The following DOP1B variants were observed in gnomAD, a reference collection of about 807,000 sequenced individuals.
DOP1B encodes protein DOP1B.
Under a neutral mutation model 233.5 loss-of-function variants are expected in DOP1B, and 174 were observed. That is an observed-to-expected ratio of 0.75 (90% CI 0.66 to 0.85). The LOEUF (loss-of-function observed/expected upper bound fraction) is 0.85. Among genes scored for constraint, DOP1B ranks in the 40% least tolerant of loss-of-function variants. DOP1B has a pLI of 0.00. For synonymous variants in DOP1B, 1,190 were observed against 1,185.6 expected, an observed-to-expected ratio of 1.00 and a Z score of -0.08; for missense variants, 2,652 against 2,846.6, an observed-to-expected ratio of 0.93 and a Z score of 1.56.
In DOP1B at chr21:36,208,776, C is replaced by G. The variant is rs374828474; in HGVS notation, c.553C>G (p.Leu185Val). 6.2e-7 allele frequency: 1 copy of G among 1,613,114 alleles called. No homozygotes were observed. Among genetic ancestry groups the G allele is most frequent in the East Asian group, 2.2e-5 (1 of 44,804 alleles). Residue 185 changes from leucine to valine, a missense_variant, in exon 5 of 37, where the codon CTC becomes GTC. Coordinates refer to ENST00000691173, the MANE Select transcript of DOP1B (RefSeq NM_001320714.2). Reference protein sequence around the residue: ...VVGKEVFYTALWGSVLASPSI... With the variant: ...VVGKEVFYTAVWGSVLASPSI... ...TGGCAAAGAGGTGTTTTACACCGCC[C>G]TCTGGGGGAGCGTCCTGGCCAGCCC... is the stretch of plus-strand genomic sequence containing the variant.
rs1569028822 is a variant in DOP1B at position 36,219,407 on chromosome 21, A to G, written c.1165A>G (p.Ile389Val). 1 of 1,614,222 alleles carries G rather than the reference A, an allele frequency of 6.2e-7. No homozygotes were observed. Among genetic ancestry groups the G allele is most frequent in the African/African-American group, 1.3e-5 (1 of 75,066 alleles). ...GGTTGGGAATTTGTTTCTCGAAGTCATCAGGGCCTTTTATTCTTACTGCAG... is the reference window on the plus strand; with the variant it reads ...GGTTGGGAATTTGTTTCTCGAAGTCGTCAGGGCCTTTTATTCTTACTGCAG... ...QVVGNLFLEVIRAFYSYCRDA... is the reference protein window; with the variant it reads ...QVVGNLFLEVVRAFYSYCRDA... Residue 389 changes from isoleucine (I) to valine (V), a missense_variant, in exon 10 of 37, where the codon ATC becomes GTC. Physicochemically the swap from Ile to Val is conservative, Grantham distance 29. Transcript: ENST00000691173.
At chr21:36,199,025 A>G in intron 2 of DOP1B, 45 bp from the exon 3 acceptor site, 1 of 1,585,040 alleles carries the variant, frequency 6.3e-7, no homozygotes, top group Non-Finnish European at 8.6e-7. Flanking sequence ...CATTGTAAAT[A>G]TCGCTGCCTT....
rs377051245 is a variant in DOP1B at position 36,245,434 on chromosome 21, G to A, written c.3454G>A (p.Gly1152Ser). The A allele has an allele frequency of 3.1e-5, 50 of 1,613,996 alleles. No individual in the cohort carries two copies. In the African/African-American group the frequency reaches 5.9e-4, roughly 19 times the overall value. The change falls in exon 19 of 37, where the codon GGC (glycine) becomes AGC (serine). Residue 1152 changes from glycine (G) to serine (S), a missense_variant. Transcript: ENST00000691173. This position sits in a 1 kb window ranked among gnomAD's most constrained non-coding sequence, Gnocchi z 5.5. ...CTGCTGTGCACCCATCCCCATGGGG[G>A]GCAGGGCGTACCCCAAGCGCTCGGC... ...ENCCAPIPMG[G>S]RAYPKRSALL...
At chr21:36,271,551 C>T (rs948383703) in intron 27 of DOP1B, among the ~76,000 whole-genome samples, 9 of 151,926 alleles carry the variant, frequency 5.9e-5, no homozygotes, top group African/African-American at 1.7e-4. Context: ...GTATTACAGG[C>T]GTGAGCCTCT....
chr21:36,197,569 T>A (rs1321463702), intron 2 of DOP1B, among the ~76,000 whole-genome samples: 1 of 152,220 alleles, frequency 6.6e-6, no homozygotes, highest in Non-Finnish European at 1.5e-5. Context: ...GCCCTCGCAC[T>A]GTAGAGGGAA....
At chr21:36,265,159 GC>G (rs2067217396) in intron 26 of DOP1B, among the ~76,000 whole-genome samples, 1 of 152,230 alleles carries the variant, frequency 6.6e-6, no homozygotes, top group South Asian at 2.1e-4. Flanking sequence ...ACTTTGGGAG[GC>G]CAAGGTGGGC....
At position 36,199,362 on chromosome 21, in the gene DOP1B, A is replaced by G. The variant is rs377231122; in HGVS notation, c.320+111A>G. 4.7e-5 allele frequency: 64 copies of G among 1,371,584 alleles called. No homozygotes were observed. In the East Asian group the frequency reaches 1.2e-3, roughly 25 times the overall value. The allele number at this position is 1,371,584 out of a possible 1,614,324, so 85.0% of individuals were successfully genotyped here. ...AAAATAAGCGTAGGGCTGTGTGTGC[A>G]ACAGTTTATCATAAAGCCATCACCA... On this transcript the variant is annotated intron_variant, in intron 3 of 36. Transcript: ENST00000691173.
intron 32 of DOP1B, among the ~76,000 whole-genome samples, chr21:36,286,888 C>T (rs60799760): frequency 0.41 from 62,672 of 151,396 alleles, 13,061 homozygotes; most frequent in Middle Eastern, 0.51. Context: ...TGCTTGAACC[C>T]GGGAGGCGGA....
rs1171102137 is a variant in DOP1B, at chr21:36,169,888, C to T, written c.138+5017C>T. On this transcript the variant is annotated intron_variant, in intron 2 of 36. Coordinates refer to ENST00000691173, the MANE Select transcript of DOP1B (RefSeq NM_001320714.2). ...AAAGATGGCCTTGAAGGTCCGGAGG[C>T]CTCAAGGGGTTTCCACGTAGCCCGC... 4 of 796,230 alleles carry T rather than the reference C, an allele frequency of 5.0e-6. No individual in the cohort carries two copies. In the Middle Eastern group the frequency reaches 1.0e-3, roughly 209 times the overall value. The allele number at this position is 796,230 out of a possible 1,614,324, so 49.3% of individuals were successfully genotyped here. A position where few individuals can be genotyped will look rare whatever the true frequency, so the allele number is the denominator to read the frequency against.
At chr21:36,170,224 A>T in intron 2 of DOP1B, 1 of 392,808 alleles carries the variant, frequency 2.5e-6, no homozygotes, top group Admixed American at 4.1e-5. Context: ...TGTGGTTTTG[A>T]TTTGCATTTC....
intron 27 of DOP1B, among the ~76,000 whole-genome samples, 181 bp from the exon 28 acceptor site, chr21:36,276,840 C>CAAA (rs57389991): frequency 2.1e-4 from 22 of 106,242 alleles, no homozygotes; most frequent in East Asian, 1.4e-3. Flanking sequence ...GACTCCATCT[C>CAAA]AAAAAAAAAA....
Position 36,245,502 on chromosome 21 carries a change from C to G in DOP1B, c.3522C>G (p.Ala1174=). The change falls in exon 19 of 37, where the codon GCC becomes GCG. Residue 1174 remains alanine (A), a synonymous_variant. Coordinates refer to ENST00000691173, the MANE Select transcript of DOP1B (RefSeq NM_001320714.2). This position sits in a 1 kb window ranked among gnomAD's most constrained non-coding sequence, Gnocchi z 5.5. ...AGTCAGAAAGCTTCAAGGCTGGGGC[C>G]AAGTTAAGCCTGGTGCGGGTGGACT... is the stretch of plus-strand genomic sequence containing the variant. ...AFQSESFKAG[A]KLSLVRVDSD... The G allele has an allele frequency of 6.2e-7, 1 of 1,613,680 alleles. No homozygotes were observed. The highest frequency in any genetic ancestry group is 1.1e-5 in the South Asian group (1 of 91,090).
chr21:36,217,016 A>C (rs957329592), intron 9 of DOP1B, among the ~76,000 whole-genome samples: 2 of 149,180 alleles, frequency 1.3e-5, no homozygotes, highest in Non-Finnish European at 3.0e-5. Context: ...CAGAGGTTGC[A>C]GTGAGCAGAG....
rs916747089 is a variant in DOP1B at position 36,197,826 on chromosome 21, A to G, written c.139-1244A>G. On this transcript the variant is annotated intron_variant, in intron 2 of 36. Transcript: ENST00000691173. ...GGAGTTCGAGACCAGTCTGGCCAAC[A>G]TGGTGAAACCCCATCTCTACTAAAA... is the stretch of plus-strand genomic sequence containing the variant. 4.0e-5 allele frequency among the ~76,000 whole-genome samples: 6 copies of G among 151,546 alleles called. No homozygotes were observed. The South Asian group carries it at 8.3e-4, about 21-fold the overall frequency.
chr21:36,244,427 G>GT (rs1277789873), intron 18 of DOP1B, among the ~76,000 whole-genome samples: 1 of 151,636 alleles, frequency 6.6e-6, no homozygotes, highest in Non-Finnish European at 1.5e-5. Flanking sequence ...ATACATTTCT[G>GT]TTTTTTTGTT....
chr21:36,267,987 A>G (rs1477468860), intron 26 of DOP1B, among the ~76,000 whole-genome samples: 1 of 152,194 alleles, frequency 6.6e-6, no homozygotes, highest in Non-Finnish European at 1.5e-5. Context: ...CAAAGGGCAA[A>G]AGCAGAACTA....
Position 36,164,921 on chromosome 21 carries a change from G to A in DOP1B, c.138+50G>A, listed in dbSNP as rs576919786. 1.7e-5 allele frequency: 24 copies of A among 1,393,222 alleles called. No individual in the cohort carries two copies. In the African/African-American group the frequency reaches 2.8e-4, roughly 16 times the overall value. 86.3% of individuals were successfully genotyped at this position (1,393,222 alleles called of 1,614,324 possible). ...ATTGCATGGAGGTGGGGACGTAATT[G>A]TCTTTTTATTATTATAAGAAATTAC... On this transcript the variant is annotated intron_variant, in intron 2 of 36. Coordinates refer to ENST00000691173, the MANE Select transcript of DOP1B (RefSeq NM_001320714.2).
intron 23 of DOP1B, among the ~76,000 whole-genome samples, chr21:36,259,030 A>G (rs1276977393): frequency 2.8e-5 from 4 of 145,354 alleles, no homozygotes; most frequent in South Asian, 2.1e-4. Context: ...GGCTGGCGCA[A>G]TCTCGGCTCA....
intron 1 of DOP1B, among the ~76,000 whole-genome samples, chr21:36,161,581 G>A (rs1031763926): frequency 2.6e-5 from 4 of 152,070 alleles, no homozygotes; most frequent in Admixed American, 6.6e-5. Context: ...CACAACCTCC[G>A]GGGCAGAAGC....
Sources: allele counts gnomAD v4.1 joint callset (sites outside exome capture counted in the v4.1 genomes callset), GRCh38; gene constraint gnomAD v4.1.1; non-coding constraint Gnocchi (gnomAD v3.1); transcripts MANE v1.5; gene names NCBI Gene and HGNC (gene_info 2026-07-23, HGNC 2026-07-21).